The following RAD54B variants were observed in gnomAD, a reference collection of about 807,000 sequenced individuals.
The protein encoded by RAD54B is DNA repair and recombination protein RAD54B.
Under a neutral mutation model 95.8 loss-of-function variants are expected in RAD54B, and 78 were observed. The ratio of observed to expected loss-of-function variants is 0.81; its 90% CI spans 0.68 to 0.98. The LOEUF (loss-of-function observed/expected upper bound fraction) is 0.98, where lower values mean the gene tolerates loss of function less well. Among genes scored for constraint, RAD54B ranks in the 50% least tolerant of loss-of-function variants. The pLI is 0.00. For synonymous variants in RAD54B, 328 were observed against 354.9 expected, an observed-to-expected ratio of 0.92 and a Z score of 0.85; for missense variants, 957 against 1,056.6, an observed-to-expected ratio of 0.91 and a Z score of 1.31.
chr8:94,407,146 A>C (rs571812168), intron 5 of RAD54B, among the ~76,000 whole-genome samples: 1 of 152,266 alleles, frequency 6.6e-6, no homozygotes, highest in South Asian at 2.1e-4. Flanking sequence ...TTTTATTCAA[A>C]ATTATACACA....
In RAD54B at chr8:94,442,223, T is replaced by G. The variant is rs557941602; in HGVS notation, c.304+16045A>C. Among the ~76,000 whole-genome samples the G allele has an allele frequency of 3.9e-5, 6 of 152,270 alleles. No homozygotes were observed. In the East Asian group the frequency reaches 1.2e-3, roughly 29 times the overall value. ...TGGAAGTAGAGACTTGATTAGTGGTTGCCAGAGGCTGGGAAGGAGAGGTGG... is the reference window on the plus strand; with the variant it reads ...TGGAAGTAGAGACTTGATTAGTGGTGGCCAGAGGCTGGGAAGGAGAGGTGG... On this transcript the variant is annotated intron_variant, in intron 3 of 14. Transcript: ENST00000336148.
Position 94,436,583 on chromosome 8 carries a change from T to C in RAD54B, c.304+21685A>G, listed in dbSNP as rs1417950220. On this transcript the variant is annotated intron_variant, in intron 3 of 14. Coordinates refer to ENST00000336148, the MANE Select transcript of RAD54B (RefSeq NM_012415.3). Reference sequence around the variant, plus strand: ...ACTTTCTTGGTTGGCTCAGAAATATTGCTTTTAAAATCTGATTGGGTCTCT... The same window carrying C: ...ACTTTCTTGGTTGGCTCAGAAATATCGCTTTTAAAATCTGATTGGGTCTCT... The C allele has an allele frequency of 4.5e-6, 7 of 1,550,394 alleles. No individual in the cohort carries two copies. In the East Asian group the frequency reaches 1.5e-4, roughly 32 times the overall value.
intron 3 of RAD54B, among the ~76,000 whole-genome samples, chr8:94,414,626 T>C (rs202145959): frequency 3.0e-4 from 46 of 152,322 alleles, no homozygotes; most frequent in African/African-American, 9.9e-4. Flanking sequence ...TGCTGGATTA[T>C]ATTTATTGAT....
intron 2 of RAD54B, among the ~76,000 whole-genome samples, chr8:94,461,262 T>A (rs2919655): frequency 0.28 from 38,248 of 137,706 alleles, 5,654 homozygotes; most frequent in East Asian, 0.47. Context: ...AACCTCCGCC[T>A]CCCAGGTTCA....
chr8:94,441,235 C>A (rs1307448772), intron 3 of RAD54B, among the ~76,000 whole-genome samples: 2 of 152,160 alleles, frequency 1.3e-5, no homozygotes, highest in Non-Finnish European at 2.9e-5. Context: ...CAGTAGCTTG[C>A]CGATGCTCCC....
At chr8:94,461,125 A>G (rs921355224) in intron 2 of RAD54B, among the ~76,000 whole-genome samples, 10 of 147,088 alleles carry the variant, frequency 6.8e-5, no homozygotes, top group Non-Finnish European at 1.5e-4. Flanking sequence ...ACTCACAATA[A>G]TAGGCAAAGT....
At chr8:94,473,010 T>G (rs2130217507) in intron 1 of RAD54B, among the ~76,000 whole-genome samples, 1 of 152,126 alleles carries the variant, frequency 6.6e-6, no homozygotes, top group Middle Eastern at 3.4e-3. Flanking sequence ...GCTACTTACA[T>G]ATGACCTTGG....
In RAD54B at chr8:94,413,062, A is replaced by G. The variant is rs565947924; in HGVS notation, c.305-1747T>C. On this transcript the variant is annotated intron_variant, in intron 3 of 14. Transcript: ENST00000336148. Reference sequence around the variant, plus strand: ...TAAAAAGCTTTGTTGAAAAAAAATTAACAAAGCTCTTATAAATAAGCACAG... The same window carrying G: ...TAAAAAGCTTTGTTGAAAAAAAATTGACAAAGCTCTTATAAATAAGCACAG... Among the ~76,000 whole-genome samples the G allele has an allele frequency of 1.1e-4, 16 of 152,318 alleles. No homozygotes were observed. In the South Asian group the frequency reaches 3.3e-3, roughly 32 times the overall value.
At chr8:94,383,934 A>G (rs1810805030) in intron 11 of RAD54B, among the ~76,000 whole-genome samples, 1 of 152,200 alleles carries the variant, frequency 6.6e-6, no homozygotes, top group Admixed American at 6.5e-5. Flanking sequence ...GGAAATGAAA[A>G]TGGTGCAGTC....
chr8:94,470,195 G>A (rs541417740), intron 1 of RAD54B, among the ~76,000 whole-genome samples: 5 of 152,254 alleles, frequency 3.3e-5, no homozygotes, highest in East Asian at 1.9e-4. Flanking sequence ...ACAGTGGCTC[G>A]CACGCATGTA....
intron 3 of RAD54B, chr8:94,436,690 C>T (rs1292880868): frequency 2.6e-6 from 4 of 1,550,490 alleles, no homozygotes; most frequent in South Asian, 2.4e-5. Flanking sequence ...TCGAGGAGGG[C>T]GGTCTACTCC....
chr8:94,426,049 T>C, intron 3 of RAD54B, among the ~76,000 whole-genome samples: 1 of 152,088 alleles, frequency 6.6e-6, no homozygotes, highest in East Asian at 1.9e-4. Flanking sequence ...GCCTCCCAGA[T>C]TCAAGCAATT....
At chr8:94,444,221 A>G (rs1247228204) in intron 3 of RAD54B, among the ~76,000 whole-genome samples, 3 of 152,148 alleles carry the variant, frequency 2.0e-5, no homozygotes, top group Non-Finnish European at 4.4e-5. Context: ...GTTTAGTAAC[A>G]TGTGTTGAAG....
chr8:94,450,257 T>A (rs1812622580), intron 3 of RAD54B, among the ~76,000 whole-genome samples: 1 of 152,244 alleles, frequency 6.6e-6, no homozygotes, highest in Admixed American at 6.5e-5. Context: ...ACCAATCAAC[T>A]GGTCACAAAT....
intron 3 of RAD54B, among the ~76,000 whole-genome samples, chr8:94,441,124 G>C (rs1812387718): frequency 6.6e-6 from 1 of 152,186 alleles, no homozygotes; most frequent in Admixed American, 6.5e-5. Context: ...CGTACTCCCT[G>C]CTTGCTCAAA....
At chr8:94,428,454 CACAT>C (rs1215990868) in intron 3 of RAD54B, 1 of 378,386 alleles carries the variant, frequency 2.6e-6, no homozygotes, top group Non-Finnish European at 3.6e-6. Context: ...TGTTTGTATT[CACAT>C]ACAATTTACA....
At chr8:94,390,530 A>T (rs1175635912) in intron 10 of RAD54B, among the ~76,000 whole-genome samples, 1 of 148,654 alleles carries the variant, frequency 6.7e-6, no homozygotes, top group African/African-American at 2.4e-5. Flanking sequence ...AAATAAATAA[A>T]CAGCATCACT....
At position 94,407,621 on chromosome 8, in the gene RAD54B, T is replaced by A. The variant is rs748736358; in HGVS notation, c.599A>T (p.Asp200Val). ...AAAACACCTGCCACTGCTGAAGTCA[T>A]CTGGAGAGATTACACCCATGACTTC... Reference protein sequence around the residue: ...EIEVMGVISPDDFSSGRCFQL... With the variant: ...EIEVMGVISPVDFSSGRCFQL... The change falls in exon 5 of 15, where the codon GAT becomes GTT. Residue 200 changes from aspartate to valine, a missense_variant. Transcript: ENST00000336148. The A allele has an allele frequency of 6.2e-7, 1 of 1,614,040 alleles. No individual in the cohort carries two copies. Among genetic ancestry groups the A allele is most frequent in the Non-Finnish European group, 8.5e-7 (1 of 1,179,950 alleles).
chr8:94,399,552 G>A lies in RAD54B; in HGVS notation c.1240C>T (p.Leu414Phe), dbSNP rs1201788285. Reference sequence around the variant, plus strand: ...TTCTTAATTTGATCCAGGGAACGAAGTAACATTTCATAACTGATAATAAGA... The same window carrying A: ...TTCTTAATTTGATCCAGGGAACGAAATAACATTTCATAACTGATAATAAGA... ...SVLIISYEML[L>F]RSLDQIKNIK... is the part of the protein sequence containing the mutation. Residue 414 changes from leucine to phenylalanine, a missense_variant, in exon 8 of 15, where the codon CTT (leucine) becomes TTT (phenylalanine). Leu to Phe is a conservative substitution (Grantham distance 22). Coordinates refer to ENST00000336148, the MANE Select transcript of RAD54B (RefSeq NM_012415.3). 6.2e-7 allele frequency: 1 copy of A among 1,612,878 alleles called. No individual in the cohort carries two copies. The highest frequency in any genetic ancestry group is 8.5e-7 in the Non-Finnish European group (1 of 1,179,444).
Sources: gnomAD v4.1 joint callset for allele counts (sites outside exome capture counted in the v4.1 genomes callset) on GRCh38, gnomAD v4.1.1 for gene constraint, MANE v1.5 for transcripts, NCBI Gene and HGNC (gene_info 2026-07-23, HGNC 2026-07-21) for gene names.